The following ZNF454 variants were observed in gnomAD, a reference collection of about 807,000 sequenced individuals.
The protein encoded by ZNF454 is zinc finger protein 454.
ZNF454 carries 30 observed loss-of-function variants against 48.2 expected under a neutral mutation model. The observed-to-expected ratio is 0.62, with a 90% CI of 0.47 to 0.84. The LOEUF is 0.84. Ranked by LOEUF, ZNF454 falls within the 40% of genes least tolerant of loss-of-function variation. The probability of loss-of-function intolerance (pLI) is 0.00; values close to 1 mark genes in which losing one functional copy is unlikely to be tolerated. For synonymous variants in ZNF454, 204 were observed against 211.4 expected, an observed-to-expected ratio of 0.97 and a Z score of 0.30; for missense variants, 510 against 623.1, an observed-to-expected ratio of 0.82 and a Z score of 1.93.
the ZNF454 span, chr5:178,976,143 G>T: frequency 4.4e-6 from 2 of 455,330 alleles, no homozygotes; most frequent in Non-Finnish European, 8.8e-6. Flanking sequence ...ATATCCCCAT[G>T]GCTCACTCCC....
chr5:178,987,339 T>A, the ZNF454 span: 1 of 484,978 alleles, frequency 2.1e-6, no homozygotes, highest in Non-Finnish European at 4.1e-6. Context: ...GAAAGCAGGG[T>A]GGCAAGAAAT....
At position 178,949,629 on chromosome 5, in the gene ZNF454, G is replaced by GT. The variant is rs1052659883; in HGVS notation, c.250+2649dup. Among the ~76,000 whole-genome samples the GT allele has an allele frequency of 2.0e-5, 3 of 150,290 alleles. No individual in the cohort carries two copies. The East Asian group carries it at 5.9e-4, about 29-fold the overall frequency. On this transcript the variant is annotated intron_variant, in intron 4 of 4. Transcript: ENST00000519564. ...TTCCTTTTTTTTGTTTTTTGTTGTT[G>GT]TTTTTTGAGACAGAGTCTCGTTCTG... is the stretch of plus-strand genomic sequence containing the variant.
Position 178,966,068 on chromosome 5 carries a change from C to A in ZNF454, c.*95C>A. ...TCTAGAGAATAACTATGAAAGCTTG[C>A]ATCAAGATAGTCACTTTATTTACTG... On this transcript the variant is annotated 3_prime_UTR_variant, in exon 5 of 5. Coordinates refer to ENST00000519564, the MANE Select transcript of ZNF454 (RefSeq NM_001178089.3). The A allele has an allele frequency of 9.0e-7, 1 of 1,109,172 alleles. No individual in the cohort carries two copies. The highest frequency in any genetic ancestry group is 1.3e-6 in the Non-Finnish European group (1 of 779,656). 68.7% of individuals were successfully genotyped at this position (1,109,172 alleles called of 1,614,324 possible). A position where few individuals can be genotyped will look rare whatever the true frequency, so the allele number is the denominator to read the frequency against.
chr5:178,946,533 T>G lies in ZNF454; in HGVS notation c.160+48T>G, dbSNP rs182869766. On this transcript the variant is annotated intron_variant, in intron 3 of 4. Transcript: ENST00000519564. The surrounding 1 kb of genome is among the most constrained non-coding windows in gnomAD (Gnocchi z 4.5). ...TTCTCTTCACTTTTGGGGATCTCTT[T>G]GGGACCCTTACATTGACACCATATA... is the stretch of plus-strand genomic sequence containing the variant. The G allele has an allele frequency of 6.4e-7, 1 of 1,557,304 alleles. No individual in the cohort carries two copies. The highest frequency in any genetic ancestry group is 2.3e-5 in the East Asian group (1 of 44,124).
At chr5:178,949,862 A>G (rs1230121221) in intron 4 of ZNF454, among the ~76,000 whole-genome samples, 1 of 151,664 alleles carries the variant, frequency 6.6e-6, no homozygotes, top group Non-Finnish European at 1.5e-5. Context: ...TGATCCGCCC[A>G]CCTTAGCCTC....
the ZNF454 span, chr5:178,986,544 G>A: frequency 1.2e-6 from 2 of 1,607,810 alleles, no homozygotes; most frequent in East Asian, 2.2e-5. Flanking sequence ...TGGGGCGGCA[G>A]CCCGTGTGGT....
intron 4 of ZNF454, among the ~76,000 whole-genome samples, chr5:178,961,352 CTTCT>C (rs140867243): frequency 0.11 from 17,075 of 150,976 alleles, 1,481 homozygotes; most frequent in African/African-American, 0.23. Context: ...TTTTTCCTTC[CTTCT>C]ATTGGATTAA....
Position 178,965,888 on chromosome 5 carries a change from C to T in ZNF454, c.1484C>T (p.Pro495Leu). 6.2e-7 allele frequency: 1 copy of T among 1,612,004 alleles called. No homozygotes were observed. The highest frequency in any genetic ancestry group is 1.1e-5 in the South Asian group (1 of 90,822). Residue 495 changes from proline (P) to leucine (L), a missense_variant, in exon 5 of 5, where the codon CCC (proline) becomes CTC (leucine). Pro to Leu is a moderately conservative substitution (Grantham distance 98). Around this residue, in one of 3 missense-constraint regions of ZNF454, gnomAD observed 153 missense variants for 195.8 expected, o/e 0.78. Transcript: ENST00000519564. The surrounding 1 kb of genome is among the most constrained non-coding windows in gnomAD (Gnocchi z 5.2). ...CAGAGGATTCACACAGGAGAGAAAC[C>T]CTATAAATGTAATAAATGTGGGAAA... Reference protein sequence around the residue: ...QHQRIHTGEKPYKCNKCGKAF... With the variant: ...QHQRIHTGEKLYKCNKCGKAF...
Position 178,965,031 on chromosome 5 carries a change from T to C in ZNF454, c.627T>C (p.Ile209=), listed in dbSNP as rs759907207. 1 of 1,613,874 alleles carries C rather than the reference T, an allele frequency of 6.2e-7. No individual in the cohort carries two copies. The highest frequency in any genetic ancestry group is 8.5e-7 in the Non-Finnish European group (1 of 1,180,000). ...ATGAAAAAAATGCAAATCAGAAAAT[T>C]CATATTAAGGAGAAAAGATATGAAT... ...IHNEKNANQK[I]HIKEKRYECR... is the part of the protein sequence containing the mutation. Residue 209 remains isoleucine, a synonymous_variant, in exon 5 of 5, where the codon ATT becomes ATC. Coordinates refer to ENST00000519564, the MANE Select transcript of ZNF454 (RefSeq NM_001178089.3). This position sits in a 1 kb window ranked among gnomAD's most constrained non-coding sequence, Gnocchi z 5.2.
chr5:178,974,430 TG>T, the ZNF454 span, among the ~76,000 whole-genome samples: 3 of 152,290 alleles, frequency 2.0e-5, no homozygotes, highest in East Asian at 5.8e-4. Context: ...GCGATTCTCC[TG>T]CCTCAGCCTG....
chr5:178,964,736 A>G lies in ZNF454; in HGVS notation c.332A>G (p.Lys111Arg). 1 of 1,614,234 alleles carries G rather than the reference A, an allele frequency of 6.2e-7. No individual in the cohort carries two copies. Among genetic ancestry groups the G allele is most frequent in the Non-Finnish European group, 8.5e-7 (1 of 1,180,038 alleles). The change falls in exon 5 of 5, where the codon AAG becomes AGG. Residue 111 changes from lysine (K) to arginine (R), a missense_variant. By Grantham distance (26) the Lys-to-Arg change is conservative. This residue lies in a region of ZNF454 where 354 missense variants were observed against 408.9 expected (regional missense o/e 0.87). Coordinates refer to ENST00000519564, the MANE Select transcript of ZNF454 (RefSeq NM_001178089.3). ...GAAGAATTGGATCAATGGACAATAA[A>G]GGAAAGATTCAGTAGCAGTAGTCAC... is the stretch of plus-strand genomic sequence containing the variant. ...PEEELDQWTI[K>R]ERFSSSSHWK...
chr5:178,983,541 A>C, the ZNF454 span: 7 of 542,932 alleles, frequency 1.3e-5, no homozygotes, highest in Non-Finnish European at 2.5e-5. Flanking sequence ...CATTCTAGCC[A>C]TTACCAATGC....
intron 4 of ZNF454, among the ~76,000 whole-genome samples, chr5:178,955,516 C>T (rs868677830): frequency 2.0e-4 from 30 of 152,156 alleles, no homozygotes; most frequent in Middle Eastern, 3.2e-3. Flanking sequence ...AGTTGTATTA[C>T]TGGTATAAGC....
intron 4 of ZNF454, among the ~76,000 whole-genome samples, chr5:178,949,235 A>G (rs1328483555): frequency 1.3e-5 from 2 of 151,860 alleles, no homozygotes; most frequent in African/African-American, 4.8e-5. Context: ...TAGTTTTACT[A>G]GAGATGAGGT....
chr5:178,942,769 G>A lies in ZNF454; in HGVS notation c.-23G>A, dbSNP rs764011243. The A allele has an allele frequency of 6.2e-7, 1 of 1,613,938 alleles. No individual in the cohort carries two copies. Among genetic ancestry groups the A allele is most frequent in the African/African-American group, 1.3e-5 (1 of 74,934 alleles). On this transcript the variant is annotated 5_prime_UTR_variant, in exon 2 of 5. Coordinates refer to ENST00000519564, the MANE Select transcript of ZNF454 (RefSeq NM_001178089.3). ...TCCATAGCACTTTGCCTGTCCCTAA[G>A]AGGGCTCATCGGAGAAGAAAGAATG...
At chr5:178,964,357 T>C (rs891807806) in intron 4 of ZNF454, among the ~76,000 whole-genome samples, 1 of 152,160 alleles carries the variant, frequency 6.6e-6, no homozygotes, top group Admixed American at 6.5e-5. Context: ...CCTGACCTCG[T>C]GATCCACCCG....
intron 2 of ZNF454, among the ~76,000 whole-genome samples, chr5:178,945,077 A>C (rs1406665907): frequency 1.6e-5 from 1 of 62,984 alleles, no homozygotes. Context: ...GTGTGGGGGT[A>C]TTTGTGGGGG....
chr5:178,986,137 G>A, the ZNF454 span: 1 of 1,613,492 alleles, frequency 6.2e-7, no homozygotes, highest in Non-Finnish European at 8.5e-7. Flanking sequence ...CACCTGCAGG[G>A]AGGTGAGGCT....
downstream of ZNF454, among the ~76,000 whole-genome samples, chr5:178,971,185 T>A (rs1760228170): frequency 6.6e-6 from 1 of 152,132 alleles, no homozygotes; most frequent in African/African-American, 2.4e-5. Context: ...ATGTACTCAA[T>A]ATTCCTAGAG....
Sources: allele counts gnomAD v4.1 joint callset (sites outside exome capture counted in the v4.1 genomes callset), GRCh38; gene constraint gnomAD v4.1.1; regional missense constraint gnomAD v4.1.1; non-coding constraint Gnocchi (gnomAD v3.1); transcripts MANE v1.5; gene names NCBI Gene and HGNC (gene_info 2026-07-23, HGNC 2026-07-21).